The following PLK2 variants were observed in gnomAD, a reference collection of about 807,000 sequenced individuals.
PLK2 encodes serine/threonine-protein kinase PLK2.
PLK2 carries 25 observed loss-of-function variants against 78.1 expected under a neutral mutation model. The observed-to-expected ratio is 0.32, with a 90% CI of 0.23 to 0.45. The LOEUF is 0.45. Among genes scored for constraint, PLK2 ranks in the 20% least tolerant of loss-of-function variants. PLK2 has a pLI of 1.00. For synonymous variants in PLK2, 332 were observed against 298.2 expected (o/e 1.11, Z -1.17); for missense variants, 566 against 840.2 (o/e 0.67, Z 4.04).
chr5:58,458,930 G>T, intron 2 of PLK2, 55 bp downstream of exon 2: 1 of 1,325,810 alleles, frequency 7.5e-7, no homozygotes, highest in Non-Finnish European at 1.1e-6. Context: ...TTTCCTAACA[G>T]GGAAGGGCCA....
At position 58,459,806 on chromosome 5, in the gene PLK2, G is replaced by A. The variant is rs760418512; in HGVS notation, c.154C>T (p.Pro52Ser). 10 of 1,609,100 alleles carry A rather than the reference G, an allele frequency of 6.2e-6. No individual in the cohort carries two copies. The highest frequency in any genetic ancestry group is 8.5e-6 in the Non-Finnish European group (10 of 1,179,846). ...SQPPQSQAQV[P>S]PAAPHHHHHH... The stretch of plus-strand genomic sequence containing the variant: ...TGATGGTGGTGAGGGGCCGCCGGGG[G>A]CACTTGCGCCTGGGACTGAGGTGGC... The change falls in exon 1 of 14, where the codon CCC (proline) becomes TCC (serine). Residue 52 changes from proline (P) to serine (S), a missense_variant. Pro to Ser is a moderately conservative substitution (Grantham distance 74). Around this residue, in one of 5 missense-constraint regions of PLK2, gnomAD observed 127 missense variants for 122.5 expected, o/e 1.04. Transcript: ENST00000274289.
chr5:58,459,901 T>G lies in PLK2; in HGVS notation c.59A>C (p.Gln20Pro), dbSNP rs764239655. The change falls in exon 1 of 14, where the codon CAG (glutamine) becomes CCG (proline). Residue 20 changes from glutamine (Q) to proline (P), a missense_variant. Physicochemically the swap from Gln to Pro is moderately conservative, Grantham distance 76. Transcript: ENST00000274289. ...QPAASTKMCE[Q>P]ALGKGCGADS... Reference sequence around the variant, plus strand: ...CGCTCCGCAACCCTTGCCCAGCGCCTGCTCGCACATTTTGGTGCTGGCGGC... The same window carrying G: ...CGCTCCGCAACCCTTGCCCAGCGCCGGCTCGCACATTTTGGTGCTGGCGGC... The G allele has an allele frequency of 1.2e-6, 2 of 1,612,252 alleles. No homozygotes were observed. The highest frequency in any genetic ancestry group is 1.1e-5 in the South Asian group (1 of 91,042).
chr5:58,457,997 CG>C, intron 5 of PLK2, 86 bp downstream of exon 5: 1 of 816,568 alleles, frequency 1.2e-6, no homozygotes, highest in African/African-American at 1.7e-5. Context: ...ATTTTATTAC[CG>C]GACCTCTGAA....
chr5:58,454,898 A>G lies in PLK2; in HGVS notation c.1866+13T>C, dbSNP rs929444699. 10 of 1,557,394 alleles carry G rather than the reference A, an allele frequency of 6.4e-6. No homozygotes were observed. The highest frequency in any genetic ancestry group is 8.9e-6 in the Non-Finnish European group (10 of 1,128,426). On this transcript the variant is annotated intron_variant, in intron 13 of 13. Transcript: ENST00000274289. The stretch of plus-strand genomic sequence containing the variant: ...AGGACCTAAACGTGCACTTTCCTGA[A>G]GAGTTCATTTACCTGAAAGGTGCCA...
At chr5:58,458,256 G>T in intron 4 of PLK2, 85 bp from the exon 5 acceptor site, 1 of 1,292,590 alleles carries the variant, frequency 7.7e-7, no homozygotes, top group Non-Finnish European at 1.1e-6. Flanking sequence ...GAGCCAGGCA[G>T]CCAATTGTTA....
At position 58,455,791 on chromosome 5, in the gene PLK2, G is replaced by C. The variant is rs754172785; in HGVS notation, c.1385-12C>G. 4 of 1,611,414 alleles carry C rather than the reference G, an allele frequency of 2.5e-6. No individual in the cohort carries two copies. The highest frequency in any genetic ancestry group is 1.7e-5 in the Admixed American group (1 of 60,020). ...ACTGTCTTCAAGGCCTGAAAAGTCA[G>C]ACAGAAATGTTTCAAGTTATACAAT... On this transcript the variant is annotated splice_polypyrimidine_tract_variant and intron_variant, in intron 10 of 13. Transcript: ENST00000274289.
chr5:58,457,740 T>C, intron 5 of PLK2, 157 bp from the exon 6 acceptor site: 1 of 610,682 alleles, frequency 1.6e-6, no homozygotes, highest in Non-Finnish European at 2.9e-6. Context: ...CATCTGAAAA[T>C]TCAATTGAGA....
At position 58,458,545 on chromosome 5, in the gene PLK2, G is replaced by A. The variant is rs1334587026; in HGVS notation, c.496-17C>T. 24 of 1,592,518 alleles carry A rather than the reference G, an allele frequency of 1.5e-5. No individual in the cohort carries two copies. The highest frequency in any genetic ancestry group is 7.3e-5 in the Admixed American group (4 of 55,098). ...AGCCATTGACTAAGAAGAGGAGAAG[G>A]AAAAAAGAGAATCTGTCAAAACAGT... On this transcript the variant is annotated splice_polypyrimidine_tract_variant and intron_variant, in intron 3 of 13. Transcript: ENST00000274289.
chr5:58,459,103 A>AATTCC lies in PLK2; in HGVS notation c.271-12_271-11insGGAAT. 6.7e-7 allele frequency: 1 copy of AATTCC among 1,488,208 alleles called. No homozygotes were observed. Among genetic ancestry groups the AATTCC allele is most frequent in the Non-Finnish European group, 9.4e-7 (1 of 1,065,480 alleles). 92.2% of individuals were successfully genotyped at this position (1,488,208 alleles called of 1,614,324 possible). ...TTTTGCAAAGCCACCCTGAAAGGAAACAAAGCCGAGACGGAATTGAGGATG... is the reference window on the plus strand; with the variant it reads ...TTTTGCAAAGCCACCCTGAAAGGAAAATTCCCAAAGCCGAGACGGAATTGAGGATG... On this transcript the variant is annotated splice_polypyrimidine_tract_variant and intron_variant, in intron 1 of 13. Coordinates refer to ENST00000274289, the MANE Select transcript of PLK2 (RefSeq NM_006622.4).
In PLK2 at chr5:58,459,706, C is replaced by T; in HGVS notation, c.254G>A (p.Gly85Asp). The T allele has an allele frequency of 6.3e-7, 1 of 1,592,046 alleles. No homozygotes were observed. The change falls in exon 1 of 14, where the codon GGC becomes GAC. Residue 85 changes from glycine (G) to aspartate (D), a missense_variant. Transcript: ENST00000274289. ...GCTTGTCACCTTTCCCAGCACTTTG[C>T]CCCGGCAGTAGCGCTTCCCAGTCGT... The part of the protein sequence containing the change: ...DPTTGKRYCR[G>D]KVLGKGGFAK...
rs775534892 is a variant in PLK2, at chr5:58,456,583, A to G, written c.1163T>C (p.Val388Ala). Reference protein sequence around the residue: ...KARYIDTHNRVSKEDEDIYKL... With the variant: ...KARYIDTHNRASKEDEDIYKL... ...GTAGATGTCTTCATCTTCTTTAGACACTCTATCTGTATATCAAGAAACAGA... is the reference window on the plus strand; with the variant it reads ...GTAGATGTCTTCATCTTCTTTAGACGCTCTATCTGTATATCAAGAAACAGA... Residue 388 changes from valine (V) to alanine (A), a missense_variant, in exon 9 of 14, where the codon GTG becomes GCG. Physicochemically the swap from Val to Ala is moderately conservative, Grantham distance 64. This residue lies in a region of PLK2 where 129 missense variants were observed against 156.0 expected (regional missense o/e 0.83). Coordinates refer to ENST00000274289, the MANE Select transcript of PLK2 (RefSeq NM_006622.4). The G allele has an allele frequency of 6.4e-7, 1 of 1,560,772 alleles. No homozygotes were observed. Among genetic ancestry groups the G allele is most frequent in the Non-Finnish European group, 8.8e-7 (1 of 1,133,484 alleles).
At chr5:58,459,651 T>TCCCC in intron 1 of PLK2, 39 bp downstream of exon 1, 1 of 1,511,676 alleles carries the variant, frequency 6.6e-7, no homozygotes, top group Non-Finnish European at 8.9e-7. Context: ...CGGACAGACC[T>TCCCC]CCCGCCCGCC....
chr5:58,459,818 G>A lies in PLK2; in HGVS notation c.142C>T (p.Gln48Ter). 1 of 1,609,876 alleles carries A rather than the reference G, an allele frequency of 6.2e-7. No individual in the cohort carries two copies. Among genetic ancestry groups the A allele is most frequent in the Non-Finnish European group, 8.5e-7 (1 of 1,179,842 alleles). Residue 48 changes from glutamine to a stop codon, truncating the protein, a stop_gained, in exon 1 of 14, where the codon CAG becomes TAG. Transcript: ENST00000274289. LOFTEE classifies it high-confidence loss of function. The stretch of plus-strand genomic sequence containing the variant: ...GGGGCCGCCGGGGGCACTTGCGCCT[G>A]GGACTGAGGTGGCTGCGATTCCTCG... Reference protein sequence around the residue: ...PPEESQPPQSQAQVPPAAPHH... With the variant: ...PPEESQPPQS
In PLK2 at chr5:58,455,305, T is replaced by C. The variant is rs771454331; in HGVS notation, c.1735A>G (p.Met579Val). 1 of 1,613,966 alleles carries C rather than the reference T, an allele frequency of 6.2e-7. No homozygotes were observed. Among genetic ancestry groups the C allele is most frequent in the East Asian group, 2.2e-5 (1 of 44,890 alleles). ...CTTACATCCATGAGGTTCTCCTCCA[T>C]GTAATGAGAAAAGTATTTCAGCACC... is the stretch of plus-strand genomic sequence containing the variant. ...VTVLKYFSHY[M>V]EENLMDGGDL... Residue 579 changes from methionine (M) to valine (V), a missense_variant, in exon 12 of 14, where the codon ATG becomes GTG. Physicochemically the swap from Met to Val is conservative, Grantham distance 21 (BLOSUM62 1). Around this residue, in one of 5 missense-constraint regions of PLK2, gnomAD observed 130 missense variants for 196.4 expected, o/e 0.66. Transcript: ENST00000274289.
In PLK2 at chr5:58,457,319, C is replaced by T. The variant is rs1401392899; in HGVS notation, c.870G>A (p.Arg290=). Residue 290 remains arginine, a synonymous_variant, in exon 7 of 14, where the codon AGG becomes AGA. Coordinates refer to ENST00000274289, the MANE Select transcript of PLK2 (RefSeq NM_006622.4). ...TTGTATACCTTGCTTCCCTTATGCACCTATAAGTTTCTTTGAGATTTGTAG... is the reference window on the plus strand; with the variant it reads ...TTGTATACCTTGCTTCCCTTATGCATCTATAAGTTTCTTTGAGATTTGTAG... ...FETTNLKETY[R]CIREARYTMP... The T allele has an allele frequency of 6.2e-7, 1 of 1,613,732 alleles. No homozygotes were observed. The highest frequency in any genetic ancestry group is 1.7e-5 in the Admixed American group (1 of 60,022).
chr5:58,459,715 T>C lies in PLK2; in HGVS notation c.245A>G (p.Tyr82Cys). The change falls in exon 1 of 14, where the codon TAC becomes TGC. Residue 82 changes from tyrosine (Y) to cysteine (C), a missense_variant. Around this residue, in one of 5 missense-constraint regions of PLK2, gnomAD observed 127 missense variants for 122.5 expected, o/e 1.04. Coordinates refer to ENST00000274289, the MANE Select transcript of PLK2 (RefSeq NM_006622.4). Reference protein sequence around the residue: ...IIVDPTTGKRYCRGKVLGKGG... With the variant: ...IIVDPTTGKRCCRGKVLGKGG... ...CTTTCCCAGCACTTTGCCCCGGCAG[T>C]AGCGCTTCCCAGTCGTGGGGTCGAC... 6.3e-7 allele frequency: 1 copy of C among 1,598,468 alleles called. No homozygotes were observed. The highest frequency in any genetic ancestry group is 2.2e-5 in the East Asian group (1 of 44,570).
chr5:58,456,950 G>A lies in PLK2; in HGVS notation c.1151C>T (p.Thr384Ile). Residue 384 changes from threonine to isoleucine, a missense_variant, in exon 8 of 14, where the codon ACA (threonine) becomes ATA (isoleucine). Around this residue, in one of 5 missense-constraint regions of PLK2, gnomAD observed 129 missense variants for 156.0 expected, o/e 0.83. Transcript: ENST00000274289. The stretch of plus-strand genomic sequence containing the variant: ...AAGAAGTCTTGTTAACTTACTATGT[G>A]TGTCAATATATCTTGCTTTGTCTTT... ...GKKDKARYID[T>I]HNRVSKEDED... is the part of the protein sequence containing the mutation. The A allele has an allele frequency of 6.3e-7, 1 of 1,596,094 alleles. No individual in the cohort carries two copies. Among genetic ancestry groups the A allele is most frequent in the South Asian group, 1.1e-5 (1 of 88,636 alleles).
chr5:58,458,732 C>A lies in PLK2; in HGVS notation c.488G>T (p.Ser163Ile). Reference protein sequence around the residue: ...ENIYILLEYCSRRSMAHILKA... With the variant: ...ENIYILLEYCIRRSMAHILKA... ...ATAGGAGTTGACACTTACCCTTCTA[C>A]TGCAGTATTCCAAGAGAATGTAAAT... The change falls in exon 3 of 14, where the codon AGT becomes ATT. Residue 163 changes from serine to isoleucine, a missense_variant. Around this residue, in one of 5 missense-constraint regions of PLK2, gnomAD observed 179 missense variants for 342.3 expected, o/e 0.52. Transcript: ENST00000274289. 1 of 1,495,512 alleles carries A rather than the reference C, an allele frequency of 6.7e-7. No individual in the cohort carries two copies. Among genetic ancestry groups the A allele is most frequent in the South Asian group, 1.1e-5 (1 of 88,586 alleles). 92.6% of individuals were successfully genotyped at this position (1,495,512 alleles called of 1,614,324 possible). A position where few individuals can be genotyped will look rare whatever the true frequency, so the allele number is the denominator to read the frequency against.
intron 8 of PLK2, 136 bp from the exon 9 acceptor site, chr5:58,456,725 C>A: frequency 1.5e-6 from 1 of 673,856 alleles, no homozygotes; most frequent in Non-Finnish European, 2.5e-6. Flanking sequence ...TTACCTTTGC[C>A]TTTAGCTGCA....
Sources: gnomAD v4.1 joint callset for allele counts on GRCh38, gnomAD v4.1.1 for gene constraint, gnomAD v4.1.1 regional missense constraint, MANE v1.5 for transcripts, NCBI Gene and HGNC (gene_info 2026-07-23, HGNC 2026-07-21) for gene names.